The following DDX55 variants were observed in gnomAD, a reference collection of about 807,000 sequenced individuals.
DDX55 encodes the protein DEAD-box helicase 55.
DDX55 carries 56 observed loss-of-function variants against 69.2 expected under a neutral mutation model. The ratio of observed to expected loss-of-function variants is 0.81; its 90% CI spans 0.65 to 1.01. DDX55 has a LOEUF of 1.01. Among genes scored for constraint, DDX55 ranks in the 50% least tolerant of loss-of-function variants. The pLI, the probability that DDX55 is intolerant of heterozygous loss-of-function variation, is 0.00. For synonymous variants in DDX55, 268 were observed against 273.1 expected, an observed-to-expected ratio of 0.98 and a Z score of 0.18; for missense variants, 720 against 745.1, an observed-to-expected ratio of 0.97 and a Z score of 0.39.
chr12:123,608,910 C>A, intron 6 of DDX55, 81 bp downstream of exon 6: 9 of 1,220,978 alleles, frequency 7.4e-6, no homozygotes, highest in Non-Finnish European at 8.8e-6. Context: ...TTTACTGTTT[C>A]ATGACTAGGT....
chr12:123,608,574 A>T, intron 5 of DDX55, 106 bp from the exon 6 acceptor site: 1 of 1,353,960 alleles, frequency 7.4e-7, no homozygotes, highest in African/African-American at 1.4e-5. Context: ...TCTCTTCACT[A>T]GGGCTTAAAT....
intron 10 of DDX55, among the ~76,000 whole-genome samples, chr12:123,617,310 ACC>A (rs2135740092): frequency 6.6e-6 from 1 of 152,376 alleles, no homozygotes; most frequent in African/African-American, 2.4e-5. Flanking sequence ...AGCAATACAT[ACC>A]ACCACATGTG....
Position 123,618,799 on chromosome 12 carries a change from A to C in DDX55, c.1295A>C (p.Tyr432Ser). Reference sequence around the variant, plus strand: ...GCTTTTGTGTCATATGTCCAAGCTTATGCAAAGCATGAATGCAACCTGATT... The same window carrying C: ...GCTTTTGTGTCATATGTCCAAGCTTCTGCAAAGCATGAATGCAACCTGATT... ...MKAFVSYVQA[Y>S]AKHECNLIFR... The change falls in exon 12 of 14, where the codon TAT (tyrosine) becomes TCT (serine). Residue 432 changes from tyrosine to serine, a missense_variant. Coordinates refer to ENST00000238146, the MANE Select transcript of DDX55 (RefSeq NM_020936.3). The C allele has an allele frequency of 1.9e-6, 3 of 1,614,224 alleles. No individual in the cohort carries two copies. The highest frequency in any genetic ancestry group is 2.5e-6 in the Non-Finnish European group (3 of 1,180,036).
At chr12:123,616,193 C>T (rs1483816801) in intron 9 of DDX55, among the ~76,000 whole-genome samples, 2 of 152,106 alleles carry the variant, frequency 1.3e-5, no homozygotes, top group African/African-American at 4.8e-5. Context: ...GACTGCTAGG[C>T]CTCAGTTATG....
At chr12:123,613,100 A>C in intron 7 of DDX55, 70 bp from the exon 8 acceptor site, 8 of 1,526,156 alleles carry the variant, frequency 5.2e-6, no homozygotes, top group Non-Finnish European at 7.3e-6. Context: ...TTAATGCTGA[A>C]ACTGAAAATA....
At chr12:123,618,908 C>A in intron 12 of DDX55, 71 bp downstream of exon 12, 1 of 1,561,886 alleles carries the variant, frequency 6.4e-7, no homozygotes, top group Non-Finnish European at 8.7e-7. Context: ...TATGAGATTG[C>A]TTTGTCTCAT....
At chr12:123,606,265 A>C in intron 3 of DDX55, 106 bp downstream of exon 3, 1 of 1,384,828 alleles carries the variant, frequency 7.2e-7, no homozygotes, top group Non-Finnish European at 9.7e-7. Context: ...GCCGTGGCTC[A>C]CGCCTGTAAT....
intron 12 of DDX55, 52 bp from the exon 13 acceptor site, chr12:123,619,380 G>T: frequency 6.4e-7 from 1 of 1,550,856 alleles, no homozygotes; most frequent in South Asian, 1.2e-5. Flanking sequence ...AGCCATTACT[G>T]ATTGTTCTAA....
At chr12:123,611,813 A>G (rs1189008390) in intron 7 of DDX55, among the ~76,000 whole-genome samples, 1 of 152,180 alleles carries the variant, frequency 6.6e-6, no homozygotes, top group Non-Finnish European at 1.5e-5. Context: ...GCTCTTCCCA[A>G]GCAGAGGGAA....
intron 6 of DDX55, among the ~76,000 whole-genome samples, 166 bp from the exon 7 acceptor site, chr12:123,609,773 A>T (rs1954101831): frequency 6.6e-6 from 1 of 152,232 alleles, no homozygotes; most frequent in Non-Finnish European, 1.5e-5. Context: ...GAAAGTATAA[A>T]GAAGAAACAA....
Position 123,619,962 on chromosome 12 carries a change from A to G in DDX55, c.1627-2A>G, listed in dbSNP as rs1348400814. On this transcript the variant is annotated splice_acceptor_variant, in intron 13 of 13. Transcript: ENST00000238146. LOFTEE classifies it high-confidence loss of function. ...TAGTTTATTGGTTTCTTCTGCACTT[A>G]GGGTTCTGATATTGAAGATGAGGAC... 1.2e-6 allele frequency: 2 copies of G among 1,611,284 alleles called. No individual in the cohort carries two copies. Among genetic ancestry groups the G allele is most frequent in the Middle Eastern group, 3.3e-4 (2 of 6,072 alleles).
In DDX55 at chr12:123,620,583, TATA is replaced by T. The variant is rs1566210757; in HGVS notation, c.*444_*446del. 323 of 25,430 alleles carry T rather than the reference TATA, an allele frequency of 0.013. 10 individuals are homozygous for T. The highest frequency in any genetic ancestry group is 0.038 in the African/African-American group (285 of 7,552). 1.6% of individuals were successfully genotyped at this position (25,430 alleles called of 1,614,324 possible). A position where few individuals can be genotyped will look rare whatever the true frequency, so the allele number is the denominator to read the frequency against. ...CACATATAGACATATGTACATATTA[TATA>T]TATATATATATATATATATATATAT... On this transcript the variant is annotated 3_prime_UTR_variant, in exon 14 of 14. Coordinates refer to ENST00000238146, the MANE Select transcript of DDX55 (RefSeq NM_020936.3).
rs577495337 is a variant in DDX55 at position 123,614,104 on chromosome 12, A to G, written c.824+852A>G. Among the ~76,000 whole-genome samples, 7 of 152,350 alleles carry G rather than the reference A, an allele frequency of 4.6e-5. No individual in the cohort carries two copies. In the South Asian group the frequency reaches 1.4e-3, roughly 32 times the overall value. ...AGAAGTACAATTTGGTACACACCCA[A>G]ACAAGACAATAAAACAAAGGTTTTC... On this transcript the variant is annotated intron_variant, in intron 8 of 13. Coordinates refer to ENST00000238146, the MANE Select transcript of DDX55 (RefSeq NM_020936.3).
chr12:123,611,475 TTCTC>T (rs1157036588), intron 7 of DDX55, among the ~76,000 whole-genome samples: 1 of 152,190 alleles, frequency 6.6e-6, no homozygotes, highest in Non-Finnish European at 1.5e-5. Flanking sequence ...GGGCTTTTCT[TTCTC>T]TTTTGCAATA....
chr12:123,614,201 C>G (rs1312418879), intron 8 of DDX55, among the ~76,000 whole-genome samples: 7 of 152,104 alleles, frequency 4.6e-5, no homozygotes, highest in Admixed American at 4.6e-4. Context: ...TTTTAAAATG[C>G]TGGTCGAGAC....
intron 6 of DDX55, among the ~76,000 whole-genome samples, 171 bp downstream of exon 6, chr12:123,609,000 G>T (rs1433807323): frequency 6.6e-6 from 1 of 152,044 alleles, no homozygotes; most frequent in African/African-American, 2.4e-5. Flanking sequence ...TGTCACCCAG[G>T]CTGGAGTGCA....
intron 7 of DDX55, among the ~76,000 whole-genome samples, chr12:123,612,412 A>AT (rs1954314541): frequency 6.6e-6 from 1 of 152,240 alleles, no homozygotes; most frequent in Non-Finnish European, 1.5e-5. Flanking sequence ...GGATGAATGC[A>AT]TTCAGGTGAA....
Position 123,617,778 on chromosome 12 carries a change from G to A in DDX55, c.1070G>A (p.Gly357Asp). ...SNASAFVHRC[G>D]RTARIGHGGS... Reference sequence around the variant, plus strand: ...CACAGTGCCTTCGTGCATCGCTGCGGTCGCACAGCTCGCATTGGCCACGGG... The same window carrying A: ...CACAGTGCCTTCGTGCATCGCTGCGATCGCACAGCTCGCATTGGCCACGGG... The change falls in exon 11 of 14, where the codon GGT (glycine) becomes GAT (aspartate). Residue 357 changes from glycine to aspartate, a missense_variant. By Grantham distance (94) the Gly-to-Asp change is moderately conservative. Coordinates refer to ENST00000238146, the MANE Select transcript of DDX55 (RefSeq NM_020936.3). 6.2e-7 allele frequency: 1 copy of A among 1,613,074 alleles called. No individual in the cohort carries two copies. The highest frequency in any genetic ancestry group is 8.5e-7 in the Non-Finnish European group (1 of 1,179,744).
intron 12 of DDX55, 87 bp from the exon 13 acceptor site, chr12:123,619,345 T>C: frequency 6.6e-7 from 1 of 1,511,746 alleles, no homozygotes; most frequent in Non-Finnish European, 8.8e-7. Context: ...ATTAAACCCT[T>C]TGGTTAGAAA....
Sources: gnomAD v4.1 joint callset for allele counts (sites outside exome capture counted in the v4.1 genomes callset) on GRCh38, gnomAD v4.1.1 for gene constraint, MANE v1.5 for transcripts, NCBI Gene and HGNC (gene_info 2026-07-23, HGNC 2026-07-21) for gene names.